Variants in ETV1 observed in about 807,000 individuals in gnomAD.
The protein encoded by ETV1 is ETS variant transcription factor 1, also known as ETS translocation variant 1.
A neutral mutation model predicts 62.3 loss-of-function variants in ETV1; 27 were observed. That is an observed-to-expected ratio of 0.43 (90% CI 0.32 to 0.60). The LOEUF (loss-of-function observed/expected upper bound fraction) is 0.60. Among genes scored for constraint, ETV1 ranks in the 20% least tolerant of loss-of-function variants. ETV1 has a pLI of 0.06. For missense variants in ETV1, 605 were observed against 605.8 expected (o/e 1.00, Z 0.01); for synonymous variants, 222 against 199.6 (o/e 1.11, Z -0.94).
intron 12 of ETV1, among the ~76,000 whole-genome samples, chr7:13,901,235 C>A (rs1263617577): frequency 6.6e-6 from 1 of 152,132 alleles, no homozygotes; most frequent in Non-Finnish European, 1.5e-5. Context: ...GAACTCCTGA[C>A]CTCAGGTGGT....
At chr7:13,950,355 A>AGT (rs944818296) in intron 6 of ETV1, among the ~76,000 whole-genome samples, 1 of 151,858 alleles carries the variant, frequency 6.6e-6, no homozygotes, top group Non-Finnish European at 1.5e-5. Context: ...AACTTTTGTG[A>AGT]GTGTGTGTGT....
intron 13 of ETV1, among the ~76,000 whole-genome samples, chr7:13,896,743 G>GGATA (rs1781845891): frequency 8.7e-6 from 1 of 115,302 alleles, no homozygotes; most frequent in Non-Finnish European, 1.7e-5. Flanking sequence ...AAGAAAGAAA[G>GGATA]GAAAGAAAGA....
At chr7:13,928,152 T>G (rs10224782) in intron 9 of ETV1, among the ~76,000 whole-genome samples, 25,509 of 152,176 alleles carry the variant, frequency 0.17, 2,461 homozygotes, top group East Asian at 0.26. Flanking sequence ...AATGTAATTC[T>G]TACAGCACAA....
intron 6 of ETV1, among the ~76,000 whole-genome samples, chr7:13,970,579 T>C (rs984187585): frequency 5.3e-5 from 8 of 152,154 alleles, no homozygotes; most frequent in Admixed American, 3.9e-4. Context: ...TTTCAGTGTG[T>C]GCTCTCATTT....
chr7:13,922,465 T>A (rs1442400057), intron 9 of ETV1, among the ~76,000 whole-genome samples: 1 of 152,188 alleles, frequency 6.6e-6, no homozygotes, highest in Non-Finnish European at 1.5e-5. Flanking sequence ...CATTGGAATG[T>A]TCAGACAGTG....
In ETV1 at chr7:13,892,495, A is replaced by G. The variant is rs569443097; in HGVS notation, c.*3371T>C. 11 of 233,022 alleles carry G rather than the reference A, an allele frequency of 4.7e-5. No individual in the cohort carries two copies. The East Asian group carries it at 5.4e-4, about 12-fold the overall frequency. 14.4% of individuals were successfully genotyped at this position (233,022 alleles called of 1,614,324 possible). On this transcript the variant is annotated 3_prime_UTR_variant, in exon 14 of 14. Coordinates refer to ENST00000430479, the MANE Select transcript of ETV1 (RefSeq NM_004956.5). Reference sequence around the variant, plus strand: ...AACTCCACTGTTCCTGAGTAAATCAATTAGAGTCTTTGCTACACAGTCTTC... The same window carrying G: ...AACTCCACTGTTCCTGAGTAAATCAGTTAGAGTCTTTGCTACACAGTCTTC...
chr7:13,978,753 TAA>T (rs1781697314), intron 5 of ETV1, among the ~76,000 whole-genome samples: 4 of 151,970 alleles, frequency 2.6e-5, no homozygotes, highest in African/African-American at 9.7e-5. Flanking sequence ...TATACAGAAT[TAA>T]AGTTTCTTTT....
At position 13,894,551 on chromosome 7, in the gene ETV1, T is replaced by G; in HGVS notation, c.*1315A>C. On this transcript the variant is annotated 3_prime_UTR_variant, in exon 14 of 14. Transcript: ENST00000430479. ...CAAAAGTTACAAAAGGTTCCACAGT[T>G]TCCTTTAGCAAGCTGAAGCTTACTC... 1 of 232,722 alleles carries G rather than the reference T, an allele frequency of 4.3e-6. No homozygotes were observed. The highest frequency in any genetic ancestry group is 8.5e-6 in the Non-Finnish European group (1 of 117,464). The allele number at this position is 232,722 out of a possible 1,614,324, so 14.4% of individuals were successfully genotyped here.
At chr7:13,912,791 G>A (rs566222492) in intron 9 of ETV1, among the ~76,000 whole-genome samples, 44 of 152,052 alleles carry the variant, frequency 2.9e-4, no homozygotes, top group Non-Finnish European at 4.7e-4. Flanking sequence ...ATGGCTAAGG[G>A]GAGATTATCC....
chr7:13,901,764 G>A (rs1382060946), intron 12 of ETV1, among the ~76,000 whole-genome samples: 2 of 152,138 alleles, frequency 1.3e-5, no homozygotes, highest in African/African-American at 2.4e-5. Context: ...TTAGAGAACG[G>A]TAATTGGATG....
chr7:13,961,871 T>C (rs1228924698), intron 6 of ETV1, among the ~76,000 whole-genome samples: 1 of 152,176 alleles, frequency 6.6e-6, no homozygotes, highest in Admixed American at 6.5e-5. Context: ...TCATTACAGA[T>C]ATACACTGAA....
At chr7:13,900,647 C>G (rs1347509729) in intron 13 of ETV1, 91 bp downstream of exon 13, 17 of 900,122 alleles carry the variant, frequency 1.9e-5, no homozygotes, top group Non-Finnish European at 2.5e-5. Flanking sequence ...AAACTCGCTT[C>G]AGCAATGCAA....
intron 6 of ETV1, among the ~76,000 whole-genome samples, chr7:13,974,269 A>G (rs189902081): frequency 2.6e-5 from 4 of 152,366 alleles, no homozygotes; most frequent in Non-Finnish European, 2.9e-5. Context: ...AAAGAGATTT[A>G]AAACAGCTCA....
chr7:13,926,341 A>T (rs1785425375), intron 9 of ETV1, among the ~76,000 whole-genome samples: 1 of 152,228 alleles, frequency 6.6e-6, no homozygotes, highest in Non-Finnish European at 1.5e-5. Context: ...ATCAAAAAGT[A>T]AAATAAAATG....
At chr7:13,933,386 G>A (rs766747681) in intron 8 of ETV1, among the ~76,000 whole-genome samples, 30 of 152,294 alleles carry the variant, frequency 2.0e-4, no homozygotes, top group Non-Finnish European at 1.0e-4. Context: ...CTTCTGGAAA[G>A]GAGTTAACAG....
rs1360136221 is a variant in ETV1 at position 13,958,366 on chromosome 7, C to G, written c.235+19061G>C. Among the ~76,000 whole-genome samples the G allele has an allele frequency of 5.3e-5, 8 of 152,140 alleles. 1 individual carries two copies. The highest frequency in any genetic ancestry group is 4.4e-5 in the Non-Finnish European group (3 of 68,028). On this transcript the variant is annotated intron_variant, in intron 6 of 13. Coordinates refer to ENST00000430479, the MANE Select transcript of ETV1 (RefSeq NM_004956.5). The stretch of plus-strand genomic sequence containing the variant: ...GACCTATCAAACTTCATTCCCATTG[C>G]TATCCAGTGTGTATGTCTATATTCA...
At chr7:13,948,918 G>C (rs942001638) in intron 6 of ETV1, among the ~76,000 whole-genome samples, 1 of 152,074 alleles carries the variant, frequency 6.6e-6, no homozygotes, top group African/African-American at 2.4e-5. Context: ...GCAGCCTTGT[G>C]TAGCCAATTT....
chr7:13,988,595 G>GAAAAAAAAAAAAAAAGAAAAAAAA (rs34468165), intron 3 of ETV1: 1 of 769,000 alleles, frequency 1.3e-6, no homozygotes, highest in African/African-American at 4.0e-5. Flanking sequence ...GTAGAGAAAT[G>GAAAAAAAAAAAAAAAGAAAAAAAA]AAAAAAAAAA....
At chr7:13,988,853 T>C in intron 3 of ETV1, 155 bp downstream of exon 3, 1 of 1,589,766 alleles carries the variant, frequency 6.3e-7, no homozygotes, top group Non-Finnish European at 8.6e-7. Context: ...TTTTGAAGAC[T>C]GGGCTTCTAG....
Sources: gnomAD v4.1 joint callset for allele counts (sites outside exome capture counted in the v4.1 genomes callset) on GRCh38, gnomAD v4.1.1 for gene constraint, MANE v1.5 for transcripts, NCBI Gene and HGNC (gene_info 2026-07-23, HGNC 2026-07-21) for gene names.